Variants in EYS observed in about 807,000 individuals in gnomAD.
EYS encodes the protein protein eyes shut homolog.
Under a neutral mutation model 282.1 loss-of-function variants are expected in EYS, and 250 were observed. The observed-to-expected ratio is 0.89, with a 90% CI of 0.80 to 0.98. The LOEUF (loss-of-function observed/expected upper bound fraction) is 0.98. Ranked by LOEUF, EYS falls within the 50% of genes least tolerant of loss-of-function variation. EYS has a pLI of 0.00. For missense variants in EYS, 4,016 were observed against 3,709.0 expected, an observed-to-expected ratio of 1.08 and a Z score of -2.15; for synonymous variants, 1,355 against 1,282.9, an observed-to-expected ratio of 1.06 and a Z score of -1.20.
intron 2 of EYS, among the ~76,000 whole-genome samples, chr6:65,557,640 G>A (rs6926034): frequency 0.55 from 83,409 of 151,974 alleles, 22,929 homozygotes; most frequent in East Asian, 0.71. Context: ...CTGGGAGTGC[G>A]TCACCACCTG....
chr6:65,306,859 A>AAAAAAAAAAAAAAAAAAAAG (rs1346343044), intron 11 of EYS, among the ~76,000 whole-genome samples: 2 of 142,396 alleles, frequency 1.4e-5, no homozygotes, highest in South Asian at 2.2e-4. Flanking sequence ...AAAAAAAAAA[A>AAAAAAAAAAAAAAAAAAAAG]AAAGAAAGTC....
intron 35 of EYS, among the ~76,000 whole-genome samples, chr6:63,907,556 T>C (rs1342190528): frequency 6.6e-6 from 1 of 152,218 alleles, no homozygotes; most frequent in African/African-American, 2.4e-5. Flanking sequence ...TGTGTTCCTC[T>C]TTACGACAGT....
At chr6:65,433,009 G>T (rs970685822) in intron 5 of EYS, among the ~76,000 whole-genome samples, 1 of 152,080 alleles carries the variant, frequency 6.6e-6, no homozygotes, top group Admixed American at 6.6e-5. Flanking sequence ...TGGATATCAC[G>T]TGTTTGTTTT....
chr6:64,071,231 A>G (rs566242313), intron 32 of EYS, among the ~76,000 whole-genome samples: 103 of 152,184 alleles, frequency 6.8e-4, no homozygotes, highest in African/African-American at 2.4e-3. Flanking sequence ...TTGAAATGAG[A>G]AAATAATTTA....
At chr6:65,649,043 G>A (rs1453569020) in intron 1 of EYS, among the ~76,000 whole-genome samples, 7 of 151,082 alleles carry the variant, frequency 4.6e-5, no homozygotes, top group Non-Finnish European at 8.8e-5. Context: ...CTACTCGGGA[G>A]GCTGAGGCAG....
At chr6:64,826,210 G>A (rs1765051047) in intron 19 of EYS, among the ~76,000 whole-genome samples, 1 of 151,776 alleles carries the variant, frequency 6.6e-6, no homozygotes, top group Non-Finnish European at 1.5e-5. Context: ...TCACAGCATA[G>A]CAGATGATTT....
intron 32 of EYS, among the ~76,000 whole-genome samples, chr6:64,069,554 A>C (rs934490961): frequency 1.3e-5 from 2 of 152,098 alleles, no homozygotes; most frequent in African/African-American, 4.8e-5. Context: ...AAAGTGTCTT[A>C]AATCTCTCCA....
At chr6:64,336,898 G>T (rs1770872945) in intron 29 of EYS, among the ~76,000 whole-genome samples, 1 of 152,054 alleles carries the variant, frequency 6.6e-6, no homozygotes, top group African/African-American at 2.4e-5. Context: ...ACGAAGACAA[G>T]ATGGAAATTT....
chr6:65,434,084 AT>A (rs1767975857), intron 5 of EYS, among the ~76,000 whole-genome samples: 1 of 152,192 alleles, frequency 6.6e-6, no homozygotes, highest in Admixed American at 6.5e-5. Context: ...TTCAGTGAAC[AT>A]TTTAAAAAGG....
At chr6:65,669,549 G>C (rs915129468) in intron 1 of EYS, among the ~76,000 whole-genome samples, 2 of 151,900 alleles carry the variant, frequency 1.3e-5, no homozygotes, top group African/African-American at 4.8e-5. Context: ...GTCCCTCACT[G>C]GTTGCTCTGA....
chr6:65,158,999 T>C (rs1471194844), intron 12 of EYS, among the ~76,000 whole-genome samples: 1 of 150,844 alleles, frequency 6.6e-6, no homozygotes, highest in Non-Finnish European at 1.5e-5. Flanking sequence ...TATTGCTATT[T>C]TTTTGTTTGT....
chr6:64,151,322 TATATATATATATATATATATA>T, intron 31 of EYS, among the ~76,000 whole-genome samples: 2 of 45,432 alleles, frequency 4.4e-5, no homozygotes, highest in Admixed American at 1.8e-4. Flanking sequence ...TATATTTATA[TATATATATATATATATATATA>T]TATATATATA....
intron 31 of EYS, among the ~76,000 whole-genome samples, chr6:64,103,451 A>G (rs1772901644): frequency 6.6e-6 from 1 of 152,186 alleles, no homozygotes; most frequent in South Asian, 2.1e-4. Flanking sequence ...CAGGCAGCAT[A>G]TAATTAGCTA....
At chr6:64,444,770 T>C (rs1225845440) in intron 26 of EYS, among the ~76,000 whole-genome samples, 2 of 152,206 alleles carry the variant, frequency 1.3e-5, no homozygotes, top group East Asian at 3.9e-4. Flanking sequence ...TGATCATTCA[T>C]GAATGGCTTG....
At chr6:63,962,398 C>G (rs564863336) in intron 35 of EYS, among the ~76,000 whole-genome samples, 3 of 151,946 alleles carry the variant, frequency 2.0e-5, no homozygotes, top group Non-Finnish European at 2.9e-5. Flanking sequence ...ACAAAGAACT[C>G]AAACAAATTT....
chr6:63,860,227 T>C (rs1196563113), intron 36 of EYS, among the ~76,000 whole-genome samples: 4 of 152,218 alleles, frequency 2.6e-5, no homozygotes, highest in Non-Finnish European at 5.9e-5. Context: ...TTGATGCCTG[T>C]TGATGTAAAA....
chr6:64,690,046 C>A (rs1322293629), intron 22 of EYS, among the ~76,000 whole-genome samples: 1 of 151,882 alleles, frequency 6.6e-6, no homozygotes, highest in Non-Finnish European at 1.5e-5. Flanking sequence ...AGGCAACCTA[C>A]AGAATGGGAG....
intron 31 of EYS, among the ~76,000 whole-genome samples, chr6:64,197,506 T>G (rs766493926): frequency 2.6e-5 from 4 of 152,202 alleles, no homozygotes; most frequent in African/African-American, 4.8e-5. Flanking sequence ...TTTGAATTCT[T>G]AAGTTCACTT....
At chr6:64,082,059 G>T in intron 31 of EYS, 57 bp from the exon 32 acceptor site, 1 of 1,180,832 alleles carries the variant, frequency 8.5e-7, no homozygotes, top group Non-Finnish European at 1.2e-6. Context: ...TACTCAAGTA[G>T]ATAAAAACTT....
Sources: gnomAD v4.1 joint callset for allele counts (sites outside exome capture counted in the v4.1 genomes callset) on GRCh38, gnomAD v4.1.1 for gene constraint, MANE v1.5 for transcripts, NCBI Gene and HGNC (gene_info 2026-07-23, HGNC 2026-07-21) for gene names.